The following UBE2Q2 variants were observed in gnomAD, a reference collection of about 807,000 sequenced individuals.
The protein encoded by UBE2Q2 is ubiquitin-conjugating enzyme E2 Q2.
In UBE2Q2, 54 loss-of-function variants were observed where a neutral mutation model predicts 59.9. The ratio of observed to expected loss-of-function variants is 0.90; its 90% CI spans 0.72 to 1.13. The LOEUF is 1.13. Ranked by LOEUF, UBE2Q2 falls within the 50% of genes most tolerant of loss-of-function variation. The pLI is 0.00. For missense variants in UBE2Q2, 433 were observed against 441.9 expected (o/e 0.98, Z 0.18); for synonymous variants, 165 against 155.2 (o/e 1.06, Z -0.47).
chr15:75,897,153 GT>G lies in UBE2Q2; in HGVS notation c.1096+95del, dbSNP rs1461768171. The G allele has an allele frequency of 4.6e-6, 3 of 653,664 alleles. No homozygotes were observed. In the African/African-American group the frequency reaches 5.7e-5, roughly 12 times the overall value. 40.5% of individuals were successfully genotyped at this position (653,664 alleles called of 1,614,324 possible). A position where few individuals can be genotyped will look rare whatever the true frequency, so the allele number is the denominator to read the frequency against. ...ATTTTATTTTTCTGTTTTTGCTTTA[GT>G]TTCTTAAAATGCTGTTACCATGGTG... On this transcript the variant is annotated intron_variant, in intron 12 of 12. Coordinates refer to ENST00000267938, the MANE Select transcript of UBE2Q2 (RefSeq NM_173469.4).
In UBE2Q2 at chr15:75,858,848, G is replaced by T. The variant is rs139867742; in HGVS notation, c.283-1030G>T. Among the ~76,000 whole-genome samples the T allele has an allele frequency of 2.0e-3, 298 of 152,336 alleles. 2 individuals are homozygous for T. The highest frequency in any genetic ancestry group is 6.6e-3 in the African/African-American group (273 of 41,560). On this transcript the variant is annotated intron_variant, in intron 2 of 12. Coordinates refer to ENST00000267938, the MANE Select transcript of UBE2Q2 (RefSeq NM_173469.4). ...TTTCCGTTTAAGCATGAAGATTTTT[G>T]TTGGATCGTAATTTACCGTTCAACC...
Position 75,899,575 on chromosome 15 carries a change from T to C in UBE2Q2, c.*117T>C. 1 of 765,470 alleles carries C rather than the reference T, an allele frequency of 1.3e-6. No homozygotes were observed. Among genetic ancestry groups the C allele is most frequent in the Non-Finnish European group, 2.1e-6 (1 of 485,804 alleles). The allele number at this position is 765,470 out of a possible 1,614,324, so 47.4% of individuals were successfully genotyped here. ...AGTACCGAAGATGTTAGTTAATAGATATTTTAGTGGATAATCTGTCATCTG... is the reference window on the plus strand; with the variant it reads ...AGTACCGAAGATGTTAGTTAATAGACATTTTAGTGGATAATCTGTCATCTG... On this transcript the variant is annotated 3_prime_UTR_variant, in exon 13 of 13. Transcript: ENST00000267938.
intron 11 of UBE2Q2, among the ~76,000 whole-genome samples, chr15:75,893,576 G>C (rs1185882926): frequency 6.6e-6 from 1 of 152,118 alleles, no homozygotes; most frequent in African/African-American, 2.4e-5. Context: ...CCAGTGAACA[G>C]GCATGGTATA....
chr15:75,853,075 T>C (rs1218324520), intron 1 of UBE2Q2, among the ~76,000 whole-genome samples: 1 of 152,200 alleles, frequency 6.6e-6, no homozygotes, highest in African/African-American at 2.4e-5. Context: ...CAATTTATAA[T>C]AGAAAATCAT....
In UBE2Q2 at chr15:75,859,931, T is replaced by G; in HGVS notation, c.336T>G (p.Leu112=). The change falls in exon 3 of 13, where the codon CTT becomes CTG. Residue 112 remains leucine (L), a synonymous_variant. Coordinates refer to ENST00000267938, the MANE Select transcript of UBE2Q2 (RefSeq NM_173469.4). The part of the protein sequence containing the change: ...LICELCSLYN[L]PKHLDVEMLD... ...GTGAACTCTGCAGTTTATATAACCT[T>G]CCTAAGCACCTGGATGTTGAGATGC... 3 of 1,604,606 alleles carry G rather than the reference T, an allele frequency of 1.9e-6. No individual in the cohort carries two copies. Among genetic ancestry groups the G allele is most frequent in the Non-Finnish European group, 2.5e-6 (3 of 1,177,338 alleles).
intron 5 of UBE2Q2, among the ~76,000 whole-genome samples, chr15:75,875,927 G>A (rs1898050585): frequency 1.3e-5 from 2 of 151,886 alleles, no homozygotes; most frequent in African/African-American, 2.4e-5. Flanking sequence ...TTAGCTGGGC[G>A]TGGTGGTGCG....
chr15:75,849,983 A>G (rs1447813570), intron 1 of UBE2Q2, among the ~76,000 whole-genome samples: 1 of 152,218 alleles, frequency 6.6e-6, no homozygotes, highest in African/African-American at 2.4e-5. Context: ...TATAAAGCTT[A>G]GTTAACCTTA....
intron 3 of UBE2Q2, among the ~76,000 whole-genome samples, chr15:75,863,662 G>A (rs1268473597): frequency 7.5e-6 from 1 of 132,454 alleles, no homozygotes; most frequent in African/African-American, 2.9e-5. Flanking sequence ...TTTTTTTTCT[G>A]AGTTGGAGTC....
intron 11 of UBE2Q2, 66 bp from the exon 12 acceptor site, chr15:75,896,929 A>G: frequency 9.2e-7 from 1 of 1,086,028 alleles, no homozygotes; most frequent in Non-Finnish European, 1.3e-6. Context: ...TGATGCATTC[A>G]TAAATTTATT....
intron 2 of UBE2Q2, among the ~76,000 whole-genome samples, chr15:75,855,386 G>C (rs1454090189): frequency 2.0e-5 from 3 of 151,938 alleles, no homozygotes; most frequent in Non-Finnish European, 2.9e-5. Context: ...AGCTACTTGG[G>C]AGGCTGAGGC....
At chr15:75,893,014 G>T (rs1899190310) in intron 11 of UBE2Q2, among the ~76,000 whole-genome samples, 1 of 152,142 alleles carries the variant, frequency 6.6e-6, no homozygotes, top group Non-Finnish European at 1.5e-5. Flanking sequence ...GAAGTTGGTG[G>T]GGTTGGTGGG....
intron 2 of UBE2Q2, among the ~76,000 whole-genome samples, chr15:75,858,867 T>C (rs895432702): frequency 1.3e-5 from 2 of 152,218 alleles, no homozygotes; most frequent in African/African-American, 4.8e-5. Flanking sequence ...TAATTTACCG[T>C]TCAACCTTCC....
At chr15:75,858,911 A>G (rs1350999709) in intron 2 of UBE2Q2, among the ~76,000 whole-genome samples, 1 of 152,172 alleles carries the variant, frequency 6.6e-6, no homozygotes, top group Non-Finnish European at 1.5e-5. Flanking sequence ...CACTTTGGGA[A>G]AGCTTATTCT....
At chr15:75,889,179 C>CA (rs370829347) in intron 9 of UBE2Q2, among the ~76,000 whole-genome samples, 5 of 152,056 alleles carry the variant, frequency 3.3e-5, no homozygotes, top group African/African-American at 1.2e-4. Context: ...ATAGAATACA[C>CA]AAAAAAAAAT....
At chr15:75,897,404 A>G (rs1189533347) in intron 12 of UBE2Q2, among the ~76,000 whole-genome samples, 3 of 151,724 alleles carry the variant, frequency 2.0e-5, no homozygotes, top group Non-Finnish European at 4.4e-5. Flanking sequence ...TATTTTTAGT[A>G]GAGACCGGGT....
chr15:75,868,457 C>T (rs1897619942), intron 3 of UBE2Q2, among the ~76,000 whole-genome samples: 1 of 152,028 alleles, frequency 6.6e-6, no homozygotes, highest in African/African-American at 2.4e-5. Flanking sequence ...TTTCATAATT[C>T]TTAGTTTTGT....
intron 1 of UBE2Q2, chr15:75,844,056 C>T: frequency 7.1e-7 from 1 of 1,408,296 alleles, no homozygotes; most frequent in Non-Finnish European, 9.2e-7. Context: ...GTCTTTCCGG[C>T]TTCTCGCCAG....
At chr15:75,849,175 C>T (rs1443241849) in intron 1 of UBE2Q2, among the ~76,000 whole-genome samples, 1 of 152,114 alleles carries the variant, frequency 6.6e-6, no homozygotes, top group East Asian at 1.9e-4. Flanking sequence ...TTTTAAGTAT[C>T]TTTTGTTGTC....
intron 7 of UBE2Q2, among the ~76,000 whole-genome samples, chr15:75,878,698 A>G (rs1035526624): frequency 6.7e-6 from 1 of 149,050 alleles, no homozygotes; most frequent in Non-Finnish European, 1.5e-5. Context: ...AGGTTTTTTT[A>G]GTGATTTAAG....
Sources: gnomAD v4.1 joint callset for allele counts (sites outside exome capture counted in the v4.1 genomes callset) on GRCh38, gnomAD v4.1.1 for gene constraint, MANE v1.5 for transcripts, NCBI Gene and HGNC (gene_info 2026-07-23, HGNC 2026-07-21) for gene names.